The following PRPF40B variants were observed in gnomAD, a reference collection of about 807,000 sequenced individuals.
The protein encoded by PRPF40B is pre-mRNA-processing factor 40 homolog B.
PRPF40B carries 56 observed loss-of-function variants against 124.5 expected under a neutral mutation model. That is an observed-to-expected ratio of 0.45 (90% CI 0.36 to 0.56). The LOEUF (loss-of-function observed/expected upper bound fraction) is 0.56, where lower values mean the gene tolerates loss of function less well. Among genes scored for constraint, PRPF40B ranks in the 20% least tolerant of loss-of-function variants. The pLI is 0.00. For missense variants in PRPF40B, 1,053 were observed against 1,169.5 expected, an observed-to-expected ratio of 0.90 and a Z score of 1.45; for synonymous variants, 443 against 426.4, an observed-to-expected ratio of 1.04 and a Z score of -0.48.
In PRPF40B at chr12:49,635,956, G is replaced by A; in HGVS notation, c.1389G>A (p.Met463Ile). 1 of 1,614,120 alleles carries A rather than the reference G, an allele frequency of 6.2e-7. No individual in the cohort carries two copies. Among genetic ancestry groups the A allele is most frequent in the Non-Finnish European group, 8.5e-7 (1 of 1,180,010 alleles). ...TTWSQAQQYL[M>I]DNPSFAQDHQ... ...GGTCCCAGGCCCAGCAGTACCTCAT[G>A]GATAACCCCAGCTTTGCTCAGGACC... Residue 463 changes from methionine to isoleucine, a missense_variant, in exon 15 of 26, where the codon ATG becomes ATA. Physicochemically the swap from Met to Ile is conservative, Grantham distance 10. Around this residue, in one of 2 missense-constraint regions of PRPF40B, gnomAD observed 895 missense variants for 1,052.2 expected, o/e 0.85. Coordinates refer to ENST00000548825, the MANE Select transcript of PRPF40B (RefSeq NM_001031698.3). This position sits in a 1 kb window ranked among gnomAD's most constrained non-coding sequence, Gnocchi z 4.1.
At position 49,635,743 on chromosome 12, in the gene PRPF40B, C is replaced by T. The variant is rs1941720145; in HGVS notation, c.1276-100C>T. On this transcript the variant is annotated intron_variant, in intron 14 of 25. Transcript: ENST00000548825. This position sits in a 1 kb window ranked among gnomAD's most constrained non-coding sequence, Gnocchi z 4.1. ...GAAAGTCTTGAGTATGGCCTTCTTC[C>T]TAGGGTTCCCTAGCTACCTTTCCCC... is the stretch of plus-strand genomic sequence containing the variant. 2.8e-6 allele frequency: 4 copies of T among 1,437,584 alleles called. No homozygotes were observed. Among genetic ancestry groups the T allele is most frequent in the South Asian group, 2.5e-5 (2 of 79,668 alleles). The allele number at this position is 1,437,584 out of a possible 1,614,324, so 89.1% of individuals were successfully genotyped here. A position where few individuals can be genotyped will look rare whatever the true frequency, so the allele number is the denominator to read the frequency against.
chr12:49,636,822 A>T lies in PRPF40B; in HGVS notation c.1533A>T (p.Gln511His). ...RERARLRERRQQRKNREAFQT... is the reference protein window; with the variant it reads ...RERARLRERRHQRKNREAFQT... ...GGGCCCGGCTTCGGGAGCGACGCCA[A>T]CAACGCAAGAATCGGGAGGCCTTCC... The change falls in exon 16 of 26, where the codon CAA becomes CAT. Residue 511 changes from glutamine to histidine, a missense_variant. Around this residue, in one of 2 missense-constraint regions of PRPF40B, gnomAD observed 895 missense variants for 1,052.2 expected, o/e 0.85. Transcript: ENST00000548825. The T allele has an allele frequency of 6.2e-7, 1 of 1,614,184 alleles. No individual in the cohort carries two copies. The highest frequency in any genetic ancestry group is 2.2e-5 in the East Asian group (1 of 44,886).
intron 17 of PRPF40B, 70 bp from the exon 18 acceptor site, chr12:49,637,663 T>TGTCCTCG: frequency 6.4e-7 from 1 of 1,553,484 alleles, no homozygotes; most frequent in South Asian, 1.1e-5. Flanking sequence ...TACCGGCTCC[T>TGTCCTCG]GTCCTCGGCC....
chr12:49,632,996 G>GGGGGGGGGGGGCC lies in PRPF40B; in HGVS notation c.349-18_349-17insGGGGGGGGGGGCC. 1 of 1,147,398 alleles carries GGGGGGGGGGGGCC rather than the reference G, an allele frequency of 8.7e-7. No homozygotes were observed. The highest frequency in any genetic ancestry group is 1.2e-6 in the Non-Finnish European group (1 of 823,012). 71.1% of individuals were successfully genotyped at this position (1,147,398 alleles called of 1,614,324 possible). ...AAAGGGGCCTTGACCACCATTCTGT[G>GGGGGGGGGGGGCC]CCCCCCCCCCCACCCAGAGGGCCCT... On this transcript the variant is annotated splice_polypyrimidine_tract_variant and intron_variant, in intron 6 of 25. Coordinates refer to ENST00000548825, the MANE Select transcript of PRPF40B (RefSeq NM_001031698.3).
In PRPF40B at chr12:49,642,291, G is replaced by A. The variant is rs148666758; in HGVS notation, c.1941G>A (p.Arg647=). Residue 647 remains arginine (R), a synonymous_variant, in exon 20 of 26, where the codon AGG becomes AGA. Coordinates refer to ENST00000548825, the MANE Select transcript of PRPF40B (RefSeq NM_001031698.3). The surrounding 1 kb of genome is among the most constrained non-coding windows in gnomAD (Gnocchi z 5.8). ...AGCGGGAGAAGGAGGAGGCACGCAG[G>A]ATGCGGCGCAGGGAAGCTGCCTTTC... ...EREREKEEAR[R]MRRREAAFRS... 14 of 1,614,084 alleles carry A rather than the reference G, an allele frequency of 8.7e-6. No homozygotes were observed. In the African/African-American group the frequency reaches 1.9e-4, roughly 22 times the overall value.
In PRPF40B at chr12:49,631,733, G is replaced by C; in HGVS notation, c.229-127G>C. ...GGTGAGAGGCCAGAATCTGGGGATT[G>C]CCTGAGGAAGTGCCCAAGTGAGGGT... is the stretch of plus-strand genomic sequence containing the variant. On this transcript the variant is annotated intron_variant, in intron 3 of 25. Coordinates refer to ENST00000548825, the MANE Select transcript of PRPF40B (RefSeq NM_001031698.3). The surrounding 1 kb of genome is among the most constrained non-coding windows in gnomAD (Gnocchi z 4.3). 8.1e-7 allele frequency: 1 copy of C among 1,241,600 alleles called. No individual in the cohort carries two copies. Among genetic ancestry groups the C allele is most frequent in the Non-Finnish European group, 1.2e-6 (1 of 846,562 alleles). The allele number at this position is 1,241,600 out of a possible 1,614,324, so 76.9% of individuals were successfully genotyped here.
chr12:49,643,880 C>G lies in PRPF40B; in HGVS notation c.2462C>G (p.Thr821Arg). 6.2e-7 allele frequency: 1 copy of G among 1,614,166 alleles called. No homozygotes were observed. The highest frequency in any genetic ancestry group is 8.5e-7 in the Non-Finnish European group (1 of 1,180,028). ...RHKSNSPESE[T>R]DPEEKAGKES... is the part of the protein sequence containing the mutation. The stretch of plus-strand genomic sequence containing the variant: ...TTACAGAATAGTCCTGAGAGTGAGA[C>G]AGACCCTGAGGAGAAAGCTGGCAAG... The change falls in exon 25 of 26, where the codon ACA (threonine) becomes AGA (arginine). Residue 821 changes from threonine (T) to arginine (R), a missense_variant. Coordinates refer to ENST00000548825, the MANE Select transcript of PRPF40B (RefSeq NM_001031698.3).
At chr12:49,637,850 G>C in intron 18 of PRPF40B, 26 bp downstream of exon 18, 1 of 1,547,220 alleles carries the variant, frequency 6.5e-7, no homozygotes. Context: ...GTTATGGATG[G>C]ATACAGGATG....
intron 16 of PRPF40B, 79 bp from the exon 17 acceptor site, chr12:49,637,391 C>A (rs1941975369): frequency 5.3e-6 from 5 of 950,372 alleles, no homozygotes; most frequent in South Asian, 1.4e-5. Context: ...TCTTCCTCTG[C>A]CATTCCCTCT....
In PRPF40B at chr12:49,631,577, A is replaced by C. The variant is rs776328206; in HGVS notation, c.228+33A>C. 2 of 1,536,318 alleles carry C rather than the reference A, an allele frequency of 1.3e-6. No homozygotes were observed. Among genetic ancestry groups the C allele is most frequent in the Middle Eastern group, 1.8e-4 (1 of 5,664 alleles). On this transcript the variant is annotated intron_variant, in intron 3 of 25. Transcript: ENST00000548825. The surrounding 1 kb of genome is among the most constrained non-coding windows in gnomAD (Gnocchi z 4.3). ...TCTCTCCTCCCCTGGGGCCTCAGAA[A>C]ACCCTGTCAGTTTAGCTGGGGGTGG...
intron 1 of PRPF40B, among the ~76,000 whole-genome samples, chr12:49,627,134 C>G (rs966085002): frequency 6.6e-6 from 1 of 152,176 alleles, no homozygotes; most frequent in African/African-American, 2.4e-5. Flanking sequence ...TGAGCAAAAA[C>G]AGATGAAGTC....
Position 49,630,617 on chromosome 12 carries a change from C to A in PRPF40B, c.76C>A (p.Pro26Thr). 1 of 1,308,544 alleles carries A rather than the reference C, an allele frequency of 7.6e-7. No homozygotes were observed. Among genetic ancestry groups the A allele is most frequent in the African/African-American group, 1.4e-5 (1 of 69,184 alleles). The allele number at this position is 1,308,544 out of a possible 1,614,324, so 81.1% of individuals were successfully genotyped here. A position where few individuals can be genotyped will look rare whatever the true frequency, so the allele number is the denominator to read the frequency against. Residue 26 changes from proline to threonine, a missense_variant, in exon 2 of 26, where the codon CCA becomes ACA. Transcript: ENST00000548825. Reference sequence around the variant, plus strand: ...CCCACCGGGGCCCCCCATGATGCCACCACCCTTCGTAAGTTTTATGTCTTT... The same window carrying A: ...CCCACCGGGGCCCCCCATGATGCCAACACCCTTCGTAAGTTTTATGTCTTT... ...PFPPGPPMMP[P>T]PFMPPPGIPP... is the part of the protein sequence containing the mutation.
At position 49,633,500 on chromosome 12, in the gene PRPF40B, G is replaced by A. The variant is rs1169372094; in HGVS notation, c.533G>A (p.Ser178Asn). Residue 178 changes from serine to asparagine, a missense_variant, in exon 8 of 26, where the codon AGT becomes AAT. Physicochemically the swap from Ser to Asn is conservative, Grantham distance 46. Coordinates refer to ENST00000548825, the MANE Select transcript of PRPF40B (RefSeq NM_001031698.3). ...AAACCTTATTACTATAACAACCAGA[G>A]TAAAGAGTCCCGCTGGACCCGGCCC... is the stretch of plus-strand genomic sequence containing the variant. The part of the protein sequence containing the change: ...TGKPYYYNNQ[S>N]KESRWTRPKD... 3.1e-6 allele frequency: 5 copies of A among 1,614,214 alleles called. No homozygotes were observed. The Admixed American group carries it at 8.3e-5, about 27-fold the overall frequency.
Position 49,633,511 on chromosome 12 carries a change from C to G in PRPF40B, c.544C>G (p.Arg182Gly), listed in dbSNP as rs780594636. The change falls in exon 8 of 26, where the codon CGC becomes GGC. Residue 182 changes from arginine to glycine, a missense_variant. This residue lies in a region of PRPF40B where 895 missense variants were observed against 1,052.2 expected (regional missense o/e 0.85). Transcript: ENST00000548825. ...YYYNNQSKES[R>G]WTRPKDLDDL... ...CTATAACAACCAGAGTAAAGAGTCC[C>G]GCTGGACCCGGCCCAAGGATCTGGA... 2 of 1,614,090 alleles carry G rather than the reference C, an allele frequency of 1.2e-6. No homozygotes were observed. Among genetic ancestry groups the G allele is most frequent in the Admixed American group, 1.7e-5 (1 of 60,008 alleles).
At chr12:49,640,345 C>A (rs1942448904) in intron 18 of PRPF40B, 1 of 152,146 alleles carries the variant, frequency 6.6e-6, no homozygotes, top group Non-Finnish European at 1.5e-5. Context: ...CGAGGGAGTA[C>A]AGATTGGGTA....
In PRPF40B at chr12:49,634,345, C is replaced by G. The variant is rs1300557244; in HGVS notation, c.826C>G (p.Gln276Glu). The change falls in exon 11 of 26, where the codon CAG (glutamine) becomes GAG (glutamate). Residue 276 changes from glutamine to glutamate, a missense_variant. Physicochemically the swap from Gln to Glu is conservative, Grantham distance 29. This residue lies in a region of PRPF40B where 895 missense variants were observed against 1,052.2 expected (regional missense o/e 0.85). Coordinates refer to ENST00000548825, the MANE Select transcript of PRPF40B (RefSeq NM_001031698.3). ...TGTGCCCTCCAGTTCTGGACAGCAT[C>G]AGCCACAGCAGGAGGAGGAGGAATC... ...EEGPSSSGQHQPQQEEEESKP... is the reference protein window; with the variant it reads ...EEGPSSSGQHEPQQEEEESKP... 1 of 1,614,232 alleles carries G rather than the reference C, an allele frequency of 6.2e-7. No homozygotes were observed. The highest frequency in any genetic ancestry group is 1.3e-5 in the African/African-American group (1 of 75,058).
chr12:49,630,650 C>T, intron 2 of PRPF40B, 25 bp downstream of exon 2: 1 of 1,084,880 alleles, frequency 9.2e-7, no homozygotes, highest in East Asian at 2.4e-5. Flanking sequence ...TTTCCCTGGG[C>T]TTGGCTTTTC....
chr12:49,639,972 G>A (rs1746427016), intron 18 of PRPF40B: 1 of 152,248 alleles, frequency 6.6e-6, no homozygotes, highest in African/African-American at 2.4e-5. Flanking sequence ...GCCACAGAGT[G>A]GCTGGTTGAT....
rs1391428742 is a variant in PRPF40B, at chr12:49,631,142, C to T, written c.85-259C>T. Among the ~76,000 whole-genome samples, 1 of 152,122 alleles carries T rather than the reference C, an allele frequency of 6.6e-6. No individual in the cohort carries two copies. Among genetic ancestry groups the T allele is most frequent in the Non-Finnish European group, 1.5e-5 (1 of 68,024 alleles). On this transcript the variant is annotated intron_variant, in intron 2 of 25. Transcript: ENST00000548825. The surrounding 1 kb of genome is among the most constrained non-coding windows in gnomAD (Gnocchi z 4.3). ...CCAGTCTCAGTCTGGTGCTGTTAAA[C>T]CTCCCTTATTCCTTTCCTTTCCCGT...
Sources: allele counts gnomAD v4.1 joint callset (sites outside exome capture counted in the v4.1 genomes callset), GRCh38; gene constraint gnomAD v4.1.1; regional missense constraint gnomAD v4.1.1; non-coding constraint Gnocchi (gnomAD v3.1); transcripts MANE v1.5; gene names NCBI Gene and HGNC (gene_info 2026-07-23, HGNC 2026-07-21).